CA5A: variants seen among roughly 807,000 people sequenced by gnomAD.
CA5A encodes carbonic anhydrase 5A.
In CA5A, 28 loss-of-function variants were observed where a neutral mutation model predicts 37.1. The ratio of observed to expected loss-of-function variants is 0.75; its 90% confidence interval spans 0.56 to 1.03. The LOEUF is 1.03. Among genes scored for constraint, CA5A ranks in the 50% least tolerant of loss-of-function variants. The pLI, the probability that CA5A is intolerant of heterozygous loss-of-function variation, is 0.00. For synonymous variants in CA5A, 171 were observed against 158.4 expected (o/e 1.08, Z -0.60); for missense variants, 444 against 399.9 (o/e 1.11, Z -0.94).
chr16:87,924,512 C>T (rs2056275357), intron 2 of CA5A, among the ~76,000 whole-genome samples: 1 of 152,234 alleles, frequency 6.6e-6, no homozygotes. Context: ...TCCCCGGGCT[C>T]CAGGAAGGCC....
chr16:87,906,473 A>C (rs1437795318), intron 2 of CA5A, among the ~76,000 whole-genome samples: 4 of 151,990 alleles, frequency 2.6e-5, no homozygotes, highest in African/African-American at 9.7e-5. Flanking sequence ...CTGAAAATAC[A>C]AAAATTAGCT....
chr16:87,885,061 G>C (rs543121993), downstream of CA5A: 3 of 153,004 alleles, frequency 2.0e-5, no homozygotes, highest in African/African-American at 7.2e-5. Context: ...TACTTGTGAG[G>C]CTGAGGCAGG....
intron 2 of CA5A, among the ~76,000 whole-genome samples, chr16:87,917,723 G>GCA (rs781369568): frequency 1.3e-5 from 1 of 74,636 alleles, no homozygotes; most frequent in Non-Finnish European, 3.8e-5. Context: ...ATGAACACGT[G>GCA]CACACACACA....
chr16:87,888,263 AT>A lies in CA5A; in HGVS notation c.783del (p.Arg263ValfsTer14). The A allele has an allele frequency of 6.2e-7, 1 of 1,613,298 alleles. No homozygotes were observed. Among genetic ancestry groups the A allele is most frequent in the South Asian group, 1.1e-5 (1 of 90,998 alleles). ...AGTGCAGAAAACAGGAGAGTACGAA[AT>A]GCAGAGAGCTGGAATAGAGGGCAGC... ...PVEVAPSQLSAFRTLLFSALG... is the reference protein window; with the variant it reads ...PVEVAPSQLSXFRTLLFSALG... On this transcript the variant is annotated frameshift_variant, in exon 7 of 7. Transcript: ENST00000649794. LOFTEE classifies it low-confidence loss of function (END_TRUNC).
At chr16:87,893,125 C>CCTTTCTTTCTTTCTTTCTTTCTTTCTTT (rs555248928) in intron 5 of CA5A, 2 of 522,246 alleles carry the variant, frequency 3.8e-6, no homozygotes, top group African/African-American at 4.1e-5. Flanking sequence ...TTTCTTTCTT[C>CCTTTCTTTCTTTCTTTCTTTCTTTCTTT]CTTTCTTTCT....
intron 2 of CA5A, among the ~76,000 whole-genome samples, chr16:87,909,205 C>T (rs192558859): frequency 0.013 from 2,020 of 152,230 alleles, 16 homozygotes; most frequent in Non-Finnish European, 0.02. Flanking sequence ...GAGTAAGAGA[C>T]AAGTCAGCCC....
intron 1 of CA5A, 121 bp downstream of exon 1, chr16:87,936,188 A>G (rs956440109): frequency 3.0e-6 from 2 of 672,324 alleles, no homozygotes; most frequent in Non-Finnish European, 5.1e-6. Context: ...AAAAAAAAAA[A>G]AACGGAGTGG....
downstream of CA5A, chr16:87,886,632 A>G (rs375697419): frequency 1.3e-4 from 20 of 152,302 alleles, 1 homozygote; most frequent in African/African-American, 4.8e-4. Context: ...CAGGAGAACT[A>G]TTGGAGCCCA....
chr16:87,934,261 G>A (rs183574899), intron 1 of CA5A, among the ~76,000 whole-genome samples: 3 of 152,372 alleles, frequency 2.0e-5, no homozygotes, highest in South Asian at 2.1e-4. Context: ...AAGGCTGGGG[G>A]AAGTTAAGAA....
At chr16:87,897,975 G>A (rs1282311761) in intron 5 of CA5A, among the ~76,000 whole-genome samples, 1 of 152,176 alleles carries the variant, frequency 6.6e-6, no homozygotes, top group Non-Finnish European at 1.5e-5. Context: ...GGATGCCGCA[G>A]GAGCAGTGCT....
At position 87,911,900 on chromosome 16, in the gene CA5A, C is replaced by T. The variant is rs1376158285; in HGVS notation, c.341-6996G>A. Among the ~76,000 whole-genome samples the T allele has an allele frequency of 1.3e-5, 2 of 152,168 alleles. No homozygotes were observed. The highest frequency in any genetic ancestry group is 2.4e-5 in the African/African-American group (1 of 41,430). ...AGGGGCCCATGGCAAGGATTGAGTA[C>T]GGTGATGCTTACAAAGTACCTCCCT... On this transcript the variant is annotated intron_variant, in intron 2 of 6. Coordinates refer to ENST00000649794, the MANE Select transcript of CA5A (RefSeq NM_001739.2). This position sits in a 1 kb window ranked among gnomAD's most constrained non-coding sequence, Gnocchi z 4.6.
At chr16:87,925,133 G>T (rs957576820) in intron 2 of CA5A, among the ~76,000 whole-genome samples, 1 of 152,310 alleles carries the variant, frequency 6.6e-6, no homozygotes, top group African/African-American at 2.4e-5. Flanking sequence ...GGACGCACCC[G>T]GGAGGAGGCA....
At chr16:87,909,612 T>C (rs867414069) in intron 2 of CA5A, among the ~76,000 whole-genome samples, 6 of 152,160 alleles carry the variant, frequency 3.9e-5, no homozygotes, top group Admixed American at 2.0e-4. Flanking sequence ...CAGAGGCCTT[T>C]TTACTGGAAA....
At chr16:87,931,756 G>T (rs1049023692) in intron 1 of CA5A, among the ~76,000 whole-genome samples, 1 of 152,212 alleles carries the variant, frequency 6.6e-6, no homozygotes, top group Non-Finnish European at 1.5e-5. Context: ...GACTAAGCCG[G>T]CGCTGGGAAA....
intron 2 of CA5A, among the ~76,000 whole-genome samples, chr16:87,925,126 C>T (rs577642127): frequency 1.3e-5 from 2 of 152,282 alleles, no homozygotes; most frequent in Non-Finnish European, 2.9e-5. Context: ...GCACGTGGGA[C>T]GCACCCGGGA....
intron 2 of CA5A, among the ~76,000 whole-genome samples, chr16:87,925,828 G>A (rs114057883): frequency 0.011 from 1,547 of 145,844 alleles, 26 homozygotes; most frequent in African/African-American, 0.037. Flanking sequence ...CTCCACCACC[G>A]TCTCCCACCT....
chr16:87,922,799 G>A (rs1483293943), intron 2 of CA5A, among the ~76,000 whole-genome samples: 1 of 152,278 alleles, frequency 6.6e-6, no homozygotes, highest in Non-Finnish European at 1.5e-5. Context: ...TTTTGTGAAT[G>A]TTGGATGCAG....
chr16:87,898,233 T>A (rs1336334427), intron 5 of CA5A, among the ~76,000 whole-genome samples: 1 of 152,180 alleles, frequency 6.6e-6, no homozygotes, highest in Non-Finnish European at 1.5e-5. Context: ...GACAACTTGT[T>A]CCTTAACTGG....
chr16:87,882,396 T>A (rs1174840137), intron 4 of CA5A: 7 of 152,356 alleles, frequency 4.6e-5, no homozygotes, highest in African/African-American at 1.7e-4. Flanking sequence ...ATGCTGCGTA[T>A]CCCTTGGCCT....
Sources: gnomAD v4.1 joint callset for allele counts (sites outside exome capture counted in the v4.1 genomes callset) on GRCh38, gnomAD v4.1.1 for gene constraint, Gnocchi (gnomAD v3.1) non-coding constraint, MANE v1.5 for transcripts, NCBI Gene and HGNC (gene_info 2026-07-23, HGNC 2026-07-21) for gene names.